Variants in DLGAP1 observed in about 807,000 individuals in gnomAD.
DLGAP1 encodes DLG associated protein 1, also known as disks large-associated protein 1.
Under a neutral mutation model 90.8 loss-of-function variants are expected in DLGAP1, and 11 were observed. The ratio of observed to expected loss-of-function variants is 0.12; its 90% CI spans 0.08 to 0.20. The LOEUF (loss-of-function observed/expected upper bound fraction) is 0.20. Among genes scored for constraint, DLGAP1 ranks in the 10% least tolerant of loss-of-function variants. The pLI is 1.00. For missense variants in DLGAP1, 1,050 were observed against 1,333.8 expected (o/e 0.79, Z 3.31); for synonymous variants, 558 against 540.7 (o/e 1.03, Z -0.44).
At chr18:3,977,588 G>C (rs2073620801) in intron 3 of DLGAP1, 1 of 208,128 alleles carries the variant, frequency 4.8e-6, no homozygotes, top group South Asian at 7.5e-5. Context: ...GTGCGGCAGG[G>C]ACTCCCCCTC....
At chr18:3,557,417 G>T (rs2053820884) in intron 9 of DLGAP1, among the ~76,000 whole-genome samples, 1 of 152,110 alleles carries the variant, frequency 6.6e-6, no homozygotes, top group Non-Finnish European at 1.5e-5. Flanking sequence ...ATCTACTCGG[G>T]AGACTGAGGC....
intron 3 of DLGAP1, chr18:3,891,973 C>T (rs920035223): frequency 1.3e-5 from 2 of 151,874 alleles, no homozygotes; most frequent in East Asian, 1.9e-4. Flanking sequence ...GAGCTCCTGG[C>T]CTCAAGCAGT....
At chr18:3,631,703 C>T (rs2058531175) in intron 7 of DLGAP1, among the ~76,000 whole-genome samples, 1 of 152,146 alleles carries the variant, frequency 6.6e-6, no homozygotes, top group Admixed American at 6.5e-5. Flanking sequence ...GCCGTGATTG[C>T]ACCACTGTAC....
At chr18:4,210,873 G>A (rs1199035045) in intron 1 of DLGAP1, among the ~76,000 whole-genome samples, 1 of 152,300 alleles carries the variant, frequency 6.6e-6, no homozygotes, top group Middle Eastern at 3.4e-3. Context: ...TTACATGTAA[G>A]GAAGCTGAAG....
At chr18:3,666,210 G>A (rs980006239) in intron 7 of DLGAP1, among the ~76,000 whole-genome samples, 2 of 152,144 alleles carry the variant, frequency 1.3e-5, no homozygotes, top group African/African-American at 4.8e-5. Context: ...CAGCCGCATT[G>A]AGAAAAAACG....
At chr18:4,405,937 A>T (rs910032353) in intron 1 of DLGAP1, among the ~76,000 whole-genome samples, 1 of 152,200 alleles carries the variant, frequency 6.6e-6, no homozygotes, top group Non-Finnish European at 1.5e-5. Context: ...AGATCTATTG[A>T]TGTGAAAGTA....
intron 5 of DLGAP1, among the ~76,000 whole-genome samples, chr18:3,807,564 T>C (rs3896076): frequency 0.32 from 48,762 of 152,070 alleles, 9,309 homozygotes; most frequent in Non-Finnish European, 0.43. Context: ...AGAACCTTGT[T>C]AAAATGTAAA....
At chr18:4,135,237 G>A (rs1274204042) in intron 2 of DLGAP1, among the ~76,000 whole-genome samples, 1 of 152,040 alleles carries the variant, frequency 6.6e-6, no homozygotes, top group African/African-American at 2.4e-5. Flanking sequence ...GTGGGTAGAG[G>A]TGCCATAGAC....
At chr18:3,828,344 T>A (rs2067835622) in intron 4 of DLGAP1, among the ~76,000 whole-genome samples, 1 of 152,292 alleles carries the variant, frequency 6.6e-6, no homozygotes, top group South Asian at 2.1e-4. Flanking sequence ...CAAAACATTT[T>A]TAAAAACAAG....
intron 3 of DLGAP1, among the ~76,000 whole-genome samples, chr18:3,903,471 T>C (rs1226430566): frequency 4.6e-5 from 7 of 152,224 alleles, no homozygotes; most frequent in Admixed American, 3.9e-4. Context: ...TGGACACCCA[T>C]GGATTTACGT....
At chr18:3,757,750 C>T (rs757120109) in intron 5 of DLGAP1, among the ~76,000 whole-genome samples, 8 of 152,126 alleles carry the variant, frequency 5.3e-5, no homozygotes, top group Non-Finnish European at 1.2e-4. Context: ...TTTTTAATCT[C>T]ACAAAGGGCA....
chr18:4,423,225 A>C (rs2083080645), intron 1 of DLGAP1, among the ~76,000 whole-genome samples: 1 of 152,150 alleles, frequency 6.6e-6, no homozygotes, highest in Non-Finnish European at 1.5e-5. Flanking sequence ...AAAATGGATT[A>C]ATCAAAAAAT....
intron 1 of DLGAP1, among the ~76,000 whole-genome samples, chr18:4,452,352 T>G (rs954360886): frequency 6.6e-6 from 1 of 152,176 alleles, no homozygotes; most frequent in African/African-American, 2.4e-5. Flanking sequence ...AAGAATATGG[T>G]ATTCATCTCG....
At chr18:3,551,648 C>CTT (rs1449228149) in intron 9 of DLGAP1, among the ~76,000 whole-genome samples, 11 of 23,954 alleles carry the variant, frequency 4.6e-4, no homozygotes, top group East Asian at 0.017. Context: ...TCCTTTCTCT[C>CTT]TCTCTTTGTC....
chr18:4,414,182 C>T (rs1389543078), intron 1 of DLGAP1, among the ~76,000 whole-genome samples: 1 of 151,696 alleles, frequency 6.6e-6, no homozygotes, highest in Non-Finnish European at 1.5e-5. Flanking sequence ...AGAATACAAA[C>T]ATTCAATAAT....
At chr18:4,312,439 AGTTT>A (rs2080423867) in intron 1 of DLGAP1, among the ~76,000 whole-genome samples, 1 of 152,182 alleles carries the variant, frequency 6.6e-6, no homozygotes, top group Non-Finnish European at 1.5e-5. Context: ...TTTTATGATG[AGTTT>A]ATCAGGGCAG....
At chr18:3,543,673 T>C (rs2052838634) in intron 9 of DLGAP1, among the ~76,000 whole-genome samples, 1 of 152,172 alleles carries the variant, frequency 6.6e-6, no homozygotes, top group South Asian at 2.1e-4. Context: ...AACAACTGTT[T>C]CCAAGACATT....
chr18:4,264,286 C>T (rs900726424), intron 1 of DLGAP1, among the ~76,000 whole-genome samples: 3 of 152,210 alleles, frequency 2.0e-5, no homozygotes, highest in Admixed American at 6.5e-5. Flanking sequence ...TCATCTCCAT[C>T]CTCTTCCTCT....
rs2079177373 is a variant in DLGAP1, at chr18:4,268,367, T to C, written c.-266-117080A>G. Among the ~76,000 whole-genome samples, 2 of 152,210 alleles carry C rather than the reference T, an allele frequency of 1.3e-5. 1 individual carries two copies. The highest frequency in any genetic ancestry group is 1.3e-4 in the Admixed American group (2 of 15,278). On this transcript the variant is annotated intron_variant, in intron 1 of 12. Transcript: ENST00000315677. ...CTACAGTGTAGTTAAATAGAAAGTA[T>C]GCCGGGGAAGAAAAAAATAGTGAAT...
Sources: gnomAD v4.1 joint callset for allele counts (sites outside exome capture counted in the v4.1 genomes callset) on GRCh38, gnomAD v4.1.1 for gene constraint, MANE v1.5 for transcripts, NCBI Gene and HGNC (gene_info 2026-07-23, HGNC 2026-07-21) for gene names.